CACNA1D: variants seen among roughly 807,000 people sequenced by gnomAD.
CACNA1D encodes calcium voltage-gated channel subunit alpha1 D.
CACNA1D carries 55 observed loss-of-function variants against 257.1 expected under a neutral mutation model. The ratio of observed to expected loss-of-function variants is 0.21; its 90% CI spans 0.17 to 0.27. CACNA1D has a LOEUF of 0.27. Ranked by LOEUF, CACNA1D falls within the 10% of genes least tolerant of loss-of-function variation. The pLI is 1.00. For synonymous variants in CACNA1D, 980 were observed against 1,014.9 expected, an observed-to-expected ratio of 0.97 and a Z score of 0.65; for missense variants, 1,876 against 2,784.0, an observed-to-expected ratio of 0.67 and a Z score of 7.34.
At chr3:53,697,891 G>A (rs570067066) in intron 8 of CACNA1D, among the ~76,000 whole-genome samples, 1 of 152,040 alleles carries the variant, frequency 6.6e-6, no homozygotes, top group South Asian at 2.1e-4. Context: ...TCTTCATCTT[G>A]TACCTACCCT....
At chr3:53,700,256 T>A (rs568014900) in intron 8 of CACNA1D, among the ~76,000 whole-genome samples, 1 of 152,144 alleles carries the variant, frequency 6.6e-6, no homozygotes, top group Admixed American at 6.5e-5. Context: ...GAATACCTTG[T>A]TTGTATGTAA....
intron 20 of CACNA1D, 131 bp from the exon 21 acceptor site, chr3:53,740,149 T>TAA: frequency 2.6e-6 from 2 of 780,546 alleles, no homozygotes; most frequent in Non-Finnish European, 4.7e-6. Flanking sequence ...GCTCTGCACT[T>TAA]ACCTTCAGAA....
rs1203676162 is a variant in CACNA1D at position 53,495,254 on chromosome 3, C to T, written c.67+21C>T. On this transcript the variant is annotated intron_variant, in intron 1 of 47. Transcript: ENST00000350061. This position sits in a 1 kb window ranked among gnomAD's most constrained non-coding sequence, Gnocchi z 5.1. ...GAACGGTGAGCAGCCAGAGCCCGGG[C>T]ACCCGCTGCCAAATCCGATCCTGTC... The T allele has an allele frequency of 1.9e-5, 30 of 1,613,136 alleles. No individual in the cohort carries two copies. Among genetic ancestry groups the T allele is most frequent in the Non-Finnish European group, 2.4e-5 (28 of 1,179,962 alleles).
intron 9 of CACNA1D, among the ~76,000 whole-genome samples, chr3:53,709,703 T>G (rs1174172485): frequency 6.6e-6 from 1 of 152,178 alleles, no homozygotes; most frequent in Non-Finnish European, 1.5e-5. Context: ...TGCAAGGGGT[T>G]AAAGATCCTA....
At chr3:53,541,421 C>T (rs905168419) in intron 3 of CACNA1D, among the ~76,000 whole-genome samples, 1 of 152,102 alleles carries the variant, frequency 6.6e-6, no homozygotes, top group Non-Finnish European at 1.5e-5. Flanking sequence ...CTAATTTAGC[C>T]AAATAATAGT....
chr3:53,787,658 G>A (rs2095462806), intron 40 of CACNA1D, among the ~76,000 whole-genome samples: 1 of 152,096 alleles, frequency 6.6e-6, no homozygotes, highest in South Asian at 2.1e-4. Context: ...TGCGAGGAAT[G>A]TAGAAACCTA....
Position 53,586,440 on chromosome 3 carries a change from AT to A in CACNA1D, c.484-64328del, listed in dbSNP as rs397950611. ...TCTTCGAGGTAACAAGTCCTCACCT[AT>A]TTTTTTTTTTGTGGCACCCTACAGT... is the stretch of plus-strand genomic sequence containing the variant. On this transcript the variant is annotated intron_variant, in intron 3 of 47. Transcript: ENST00000350061. Among the ~76,000 whole-genome samples, 295 of 145,138 alleles carry A rather than the reference AT, an allele frequency of 2.0e-3. 1 individual carries two copies. The highest frequency in any genetic ancestry group is 3.6e-3 in the Admixed American group (52 of 14,554).
chr3:53,549,973 A>G (rs957709595), intron 3 of CACNA1D, among the ~76,000 whole-genome samples: 11 of 152,180 alleles, frequency 7.2e-5, no homozygotes, highest in African/African-American at 2.4e-4. Flanking sequence ...CTGCAAATCC[A>G]TATAGGACAA....
chr3:53,660,143 G>C lies in CACNA1D; in HGVS notation c.634G>C (p.Val212Leu). 1 of 1,613,826 alleles carries C rather than the reference G, an allele frequency of 6.2e-7. No individual in the cohort carries two copies. The highest frequency in any genetic ancestry group is 1.1e-5 in the South Asian group (1 of 91,072). ...FVIVIVGLFS[V>L]ILEQLTKETE... ...TTTCTCTTCTTTCAGATTGTTTAGT[G>C]TAATTTTGGAACAATTAACCAAAGA... Residue 212 changes from valine (V) to leucine (L), a missense_variant, in exon 5 of 48, where the codon GTA (valine) becomes CTA (leucine). Val to Leu is a conservative substitution (Grantham distance 32, BLOSUM62 1). This residue lies in a region of CACNA1D where 188 missense variants were observed against 390.4 expected (regional missense o/e 0.48). Coordinates refer to ENST00000350061, the MANE Select transcript of CACNA1D (RefSeq NM_001128840.3).
chr3:53,683,752 C>T (rs955710065), intron 8 of CACNA1D, among the ~76,000 whole-genome samples: 1 of 152,112 alleles, frequency 6.6e-6, no homozygotes, highest in Non-Finnish European at 1.5e-5. Flanking sequence ...AAAAAGTAGA[C>T]TGGACATTGC....
chr3:53,735,290 T>G, intron 19 of CACNA1D, 84 bp from the exon 20 acceptor site: 1 of 1,294,726 alleles, frequency 7.7e-7, no homozygotes, highest in Non-Finnish European at 1.1e-6. Flanking sequence ...CCTGGCCTCT[T>G]GCTGCAGTGG....
intron 3 of CACNA1D, among the ~76,000 whole-genome samples, chr3:53,519,274 A>G (rs1226092893): frequency 6.6e-6 from 1 of 152,252 alleles, no homozygotes; most frequent in Non-Finnish European, 1.5e-5. Flanking sequence ...TTCACTTGCC[A>G]GCAGGGCGTC....
chr3:53,756,235 A>G (rs2095264174), intron 29 of CACNA1D, among the ~76,000 whole-genome samples: 1 of 152,202 alleles, frequency 6.6e-6, no homozygotes, highest in Admixed American at 6.5e-5. Flanking sequence ...TCTGACCTTA[A>G]GGACTTATTT....
chr3:53,565,394 A>T (rs1160915949), intron 3 of CACNA1D, among the ~76,000 whole-genome samples: 1 of 152,146 alleles, frequency 6.6e-6, no homozygotes, highest in Non-Finnish European at 1.5e-5. Flanking sequence ...ATGATTTGTC[A>T]TTGCTATTGT....
At chr3:53,810,534 A>G in intron 47 of CACNA1D, 1 of 565,002 alleles carries the variant, frequency 1.8e-6, no homozygotes, top group Non-Finnish European at 3.2e-6. Flanking sequence ...AGGCGGGTGG[A>G]TCACCTGAGG....
At chr3:53,565,143 C>G (rs984101663) in intron 3 of CACNA1D, among the ~76,000 whole-genome samples, 2 of 152,094 alleles carry the variant, frequency 1.3e-5, no homozygotes, top group Non-Finnish European at 2.9e-5. Context: ...ATATCTATTT[C>G]TGGGTTCATT....
intron 3 of CACNA1D, among the ~76,000 whole-genome samples, chr3:53,557,993 T>C (rs2092676745): frequency 6.6e-6 from 1 of 152,254 alleles, no homozygotes; most frequent in African/African-American, 2.4e-5. Flanking sequence ...CATGATATCC[T>C]TCTCTATTTA....
intron 12 of CACNA1D, 118 bp downstream of exon 12, chr3:53,722,592 A>G: frequency 9.2e-7 from 1 of 1,082,282 alleles, no homozygotes; most frequent in Admixed American, 1.8e-5. Context: ...TCTAGTGAGG[A>G]CAAACTTGGT....
At position 53,800,176 on chromosome 3, in the gene CACNA1D, G is replaced by C; in HGVS notation, c.4924-73G>C. The C allele has an allele frequency of 9.3e-7, 1 of 1,071,384 alleles. No homozygotes were observed. The highest frequency in any genetic ancestry group is 1.5e-6 in the Non-Finnish European group (1 of 684,620). 66.4% of individuals were successfully genotyped at this position (1,071,384 alleles called of 1,614,324 possible). A position where few individuals can be genotyped will look rare whatever the true frequency, so the allele number is the denominator to read the frequency against. On this transcript the variant is annotated intron_variant, in intron 40 of 47. Transcript: ENST00000350061. The surrounding 1 kb of genome is among the most constrained non-coding windows in gnomAD (Gnocchi z 4.3). The stretch of plus-strand genomic sequence containing the variant: ...CTCCCCACCGCTGAATCAGGAAGGA[G>C]CAAAGCCAGGACCCAGGCTGGCCCC...
Sources: allele counts gnomAD v4.1 joint callset (sites outside exome capture counted in the v4.1 genomes callset), GRCh38; gene constraint gnomAD v4.1.1; regional missense constraint gnomAD v4.1.1; non-coding constraint Gnocchi (gnomAD v3.1); transcripts MANE v1.5; gene names NCBI Gene and HGNC (gene_info 2026-07-23, HGNC 2026-07-21).